Variants in SKAP1 observed in about 807,000 individuals in gnomAD.
SKAP1 encodes src kinase-associated phosphoprotein 1.
Under a neutral mutation model 58.5 loss-of-function variants are expected in SKAP1, and 44 were observed. The ratio of observed to expected loss-of-function variants is 0.75; its 90% CI spans 0.59 to 0.97. SKAP1 has a LOEUF of 0.97. SKAP1 is among the 50% of genes least tolerant of loss of function. The probability of loss-of-function intolerance (pLI) is 0.00; values close to 1 mark genes in which losing one functional copy is unlikely to be tolerated. For missense variants in SKAP1, 390 were observed against 435.2 expected (o/e 0.90, Z 0.92); for synonymous variants, 127 against 149.7 (o/e 0.85, Z 1.11).
chr17:48,316,637 T>C (rs2066292163), intron 4 of SKAP1, among the ~76,000 whole-genome samples: 1 of 152,196 alleles, frequency 6.6e-6, no homozygotes, highest in Admixed American at 6.5e-5. Context: ...CGTCTCTGTG[T>C]CCCCAGTACT....
intron 1 of SKAP1, among the ~76,000 whole-genome samples, chr17:48,400,329 C>T (rs1044671136): frequency 7.9e-5 from 12 of 152,060 alleles, no homozygotes; most frequent in South Asian, 4.2e-4. Flanking sequence ...AAACTCCTGA[C>T]CTCAGGTGAT....
chr17:48,433,251 A>AT (rs1438368740), upstream of SKAP1, among the ~76,000 whole-genome samples: 1 of 152,196 alleles, frequency 6.6e-6, no homozygotes, highest in African/African-American at 2.4e-5. Flanking sequence ...TGGAAACCAC[A>AT]TGGAGGAGTC....
At chr17:48,256,172 A>C (rs2065421306) in intron 4 of SKAP1, among the ~76,000 whole-genome samples, 1 of 148,726 alleles carries the variant, frequency 6.7e-6, no homozygotes, top group African/African-American at 2.5e-5. Context: ...TCAGTTTACC[A>C]AAATGTGTGT....
chr17:48,268,002 T>C (rs2065576131), intron 4 of SKAP1, among the ~76,000 whole-genome samples: 1 of 152,168 alleles, frequency 6.6e-6, no homozygotes, highest in South Asian at 2.1e-4. Context: ...TTCTCTGAGA[T>C]CATAAAGGTA....
intron 4 of SKAP1, among the ~76,000 whole-genome samples, chr17:48,338,737 A>G (rs2066609997): frequency 6.6e-6 from 1 of 152,208 alleles, no homozygotes; most frequent in Admixed American, 6.5e-5. Flanking sequence ...CGGGTCATTC[A>G]TAGACAGATA....
intron 4 of SKAP1, among the ~76,000 whole-genome samples, chr17:48,262,363 G>A (rs1256117979): frequency 6.6e-6 from 1 of 152,154 alleles, no homozygotes; most frequent in Non-Finnish European, 1.5e-5. Flanking sequence ...AAGAAAGCCA[G>A]AAAACTCCAA....
chr17:48,228,615 G>A (rs931708653), intron 4 of SKAP1, among the ~76,000 whole-genome samples: 1 of 152,202 alleles, frequency 6.6e-6, no homozygotes, highest in Non-Finnish European at 1.5e-5. Context: ...ATCAGTTGCT[G>A]TTCTAAGTGC....
intron 1 of SKAP1, among the ~76,000 whole-genome samples, chr17:48,424,221 CTTTTTTTTTTTT>C (rs71366876): frequency 9.4e-6 from 1 of 106,676 alleles, no homozygotes; most frequent in African/African-American, 3.7e-5. Flanking sequence ...TCTGGGACCT[CTTTTTTTTTTTT>C]TTTTTTTTTG....
chr17:48,177,820 A>G (rs1047968276), intron 9 of SKAP1, among the ~76,000 whole-genome samples: 6 of 152,178 alleles, frequency 3.9e-5, no homozygotes, highest in Non-Finnish European at 7.3e-5. Context: ...TGTGATGGAT[A>G]GAGGCTTATG....
At chr17:48,212,725 A>G (rs1047031162) in intron 4 of SKAP1, among the ~76,000 whole-genome samples, 2 of 152,218 alleles carry the variant, frequency 1.3e-5, no homozygotes, top group Non-Finnish European at 2.9e-5. Flanking sequence ...TTAAAAGTAA[A>G]GCACTGTATC....
intron 12 of SKAP1, among the ~76,000 whole-genome samples, chr17:48,135,084 T>C (rs570559682): frequency 1.3e-5 from 2 of 152,352 alleles, no homozygotes; most frequent in Admixed American, 1.3e-4. Context: ...AGGAAAATCA[T>C]AAAGTCAAAC....
At chr17:48,338,984 C>T (rs566121638) in intron 4 of SKAP1, among the ~76,000 whole-genome samples, 2 of 152,298 alleles carry the variant, frequency 1.3e-5, no homozygotes, top group Admixed American at 1.3e-4. Context: ...AAACTCAACA[C>T]CAAGTCCTTA....
chr17:48,259,224 C>A (rs778164394), intron 4 of SKAP1, among the ~76,000 whole-genome samples: 1 of 151,786 alleles, frequency 6.6e-6, no homozygotes, highest in African/African-American at 2.4e-5. Context: ...GCAGAGGATT[C>A]GCAATAAAAT....
intron 4 of SKAP1, among the ~76,000 whole-genome samples, chr17:48,317,352 C>T (rs917139585): frequency 6.6e-6 from 1 of 151,810 alleles, no homozygotes; most frequent in Non-Finnish European, 1.5e-5. Flanking sequence ...GGGTCAATTC[C>T]CAAACAGAAG....
chr17:48,233,282 C>T (rs747204016), intron 4 of SKAP1, among the ~76,000 whole-genome samples: 4 of 152,048 alleles, frequency 2.6e-5, no homozygotes, highest in African/African-American at 9.7e-5. Context: ...GGCTACTTTG[C>T]AATGGGTTTC....
intron 12 of SKAP1, among the ~76,000 whole-genome samples, chr17:48,134,680 A>G (rs1486774682): frequency 6.6e-6 from 1 of 152,102 alleles, no homozygotes; most frequent in African/African-American, 2.4e-5. Context: ...AATAAATGAC[A>G]GAGTGAAAAG....
At chr17:48,178,980 G>A (rs935701719) in intron 9 of SKAP1, among the ~76,000 whole-genome samples, 7 of 152,154 alleles carry the variant, frequency 4.6e-5, no homozygotes, top group Admixed American at 1.3e-4. Context: ...AAGCAAAGAC[G>A]TAGCTTCTTC....
intron 4 of SKAP1, among the ~76,000 whole-genome samples, chr17:48,248,491 C>T (rs556496136): frequency 2.6e-5 from 4 of 152,254 alleles, no homozygotes; most frequent in South Asian, 2.1e-4. Context: ...CGCGCGAACC[C>T]AGGAGGTGGA....
At chr17:48,384,021 A>G (rs1351408358) in intron 2 of SKAP1, among the ~76,000 whole-genome samples, 1 of 152,064 alleles carries the variant, frequency 6.6e-6, no homozygotes, top group Non-Finnish European at 1.5e-5. Context: ...CCACCATGCC[A>G]GCGAATAAAT....
Sources: allele counts gnomAD v4.1 joint callset (sites outside exome capture counted in the v4.1 genomes callset), GRCh38; gene constraint gnomAD v4.1.1; transcripts MANE v1.5; gene names NCBI Gene and HGNC (gene_info 2026-07-23, HGNC 2026-07-21).